NTM: variants seen among roughly 807,000 people sequenced by gnomAD.
NTM encodes the protein IgLON family member 2.
A neutral mutation model predicts 42.1 loss-of-function variants in NTM; 13 were observed. That is an observed-to-expected ratio of 0.31 (90% confidence interval 0.20 to 0.49). The LOEUF is 0.49. Ranked by LOEUF, NTM falls within the 20% of genes least tolerant of loss-of-function variation. The pLI, the probability that NTM is intolerant of heterozygous loss-of-function variation, is 0.99. For synonymous variants in NTM, 187 were observed against 179.2 expected (o/e 1.04, Z -0.35); for missense variants, 373 against 452.8 (o/e 0.82, Z 1.60).
chr11:131,762,686 G>C lies in NTM; in HGVS notation c.83-148878G>C, dbSNP rs375952914. On this transcript the variant is annotated intron_variant, in intron 1 of 8. Coordinates refer to ENST00000683400, the MANE Select transcript of NTM (RefSeq NM_001352005.2). ...CCTGTCAAGTTGAGCCAAGTAACAA[G>C]ACAGGAGTCAATTTGTTCTCCCCAA... Among the ~76,000 whole-genome samples, 12 of 152,312 alleles carry C rather than the reference G, an allele frequency of 7.9e-5. No individual in the cohort carries two copies. In the East Asian group the frequency reaches 2.1e-3, roughly 27 times the overall value.
intron 1 of NTM, among the ~76,000 whole-genome samples, chr11:131,720,207 CT>C (rs1265413075): frequency 2.0e-5 from 3 of 152,166 alleles, no homozygotes; most frequent in Non-Finnish European, 4.4e-5. Flanking sequence ...ACATAAGGTA[CT>C]GCATTTAACT....
chr11:131,711,444 C>T (rs1022608100), intron 1 of NTM, among the ~76,000 whole-genome samples: 2 of 152,172 alleles, frequency 1.3e-5, no homozygotes, highest in Non-Finnish European at 2.9e-5. Context: ...CAATCTCACA[C>T]CAGTTAGAAT....
Position 131,753,296 on chromosome 11 carries a change from C to T in NTM, c.83-158268C>T, listed in dbSNP as rs537038287. Among the ~76,000 whole-genome samples the T allele has an allele frequency of 3.3e-4, 50 of 152,066 alleles. No homozygotes were observed. The East Asian group carries it at 9.3e-3, about 28-fold the overall frequency. On this transcript the variant is annotated intron_variant, in intron 1 of 8. Coordinates refer to ENST00000683400, the MANE Select transcript of NTM (RefSeq NM_001352005.2). Reference sequence around the variant, plus strand: ...GAACACTTTTACACTGTTGGTGGGACTGTAAACTAGTTCAACCATTGTGGA... The same window carrying T: ...GAACACTTTTACACTGTTGGTGGGATTGTAAACTAGTTCAACCATTGTGGA...
intron 1 of NTM, among the ~76,000 whole-genome samples, chr11:131,857,368 C>T (rs1313536398): frequency 6.6e-6 from 1 of 152,148 alleles, no homozygotes; most frequent in Non-Finnish European, 1.5e-5. Context: ...ATGTCTTGGC[C>T]TGCTGCAGCG....
intron 1 of NTM, among the ~76,000 whole-genome samples, chr11:131,846,921 T>C (rs2044981883): frequency 6.6e-6 from 1 of 152,074 alleles, no homozygotes; most frequent in African/African-American, 2.4e-5. Context: ...GGCATGGGAA[T>C]AGAGCTGGAG....
chr11:132,193,967 A>T (rs892069091), intron 3 of NTM, among the ~76,000 whole-genome samples: 1 of 152,174 alleles, frequency 6.6e-6, no homozygotes, highest in Non-Finnish European at 1.5e-5. Context: ...AATTTAATCC[A>T]TAATAAAAAG....
In NTM at chr11:131,478,933, T is replaced by TA. The variant is rs1953248968; in HGVS notation, c.82+108049dup. On this transcript the variant is annotated intron_variant, in intron 1 of 8. Transcript: ENST00000683400. ...CTATGCCTGTGTTGGGTGTTGGGAA[T>TA]AAAATGTGGGTTCCACGCAGCTCCA... 5.3e-5 allele frequency among the ~76,000 whole-genome samples: 8 copies of TA among 152,314 alleles called. No individual in the cohort carries two copies. The South Asian group carries it at 1.7e-3, about 32-fold the overall frequency.
rs566579533 is a variant in NTM, at chr11:131,959,956, C to T, written c.167+48308C>T. 2.6e-5 allele frequency among the ~76,000 whole-genome samples: 4 copies of T among 152,296 alleles called. No homozygotes were observed. In the South Asian group the frequency reaches 6.2e-4, roughly 24 times the overall value. On this transcript the variant is annotated intron_variant, in intron 2 of 8. Coordinates refer to ENST00000683400, the MANE Select transcript of NTM (RefSeq NM_001352005.2). ...GTCTGAGGCATGAATGCAGGTACAA[C>T]AGCATGTACTAGAGATTGCACAGAC...
chr11:131,814,361 C>G (rs1296678502), intron 1 of NTM, among the ~76,000 whole-genome samples: 1 of 152,172 alleles, frequency 6.6e-6, no homozygotes, highest in Admixed American at 6.5e-5. Context: ...TGGCACCACT[C>G]CACCAGCTCC....
At chr11:131,970,569 T>C (rs553403661) in intron 2 of NTM, among the ~76,000 whole-genome samples, 165 of 152,370 alleles carry the variant, frequency 1.1e-3, no homozygotes, top group African/African-American at 3.9e-3. Flanking sequence ...ACTGTGGTCC[T>C]AGCCTCTGGG....
chr11:131,834,250 A>G (rs1315385078), intron 1 of NTM, among the ~76,000 whole-genome samples: 1 of 152,182 alleles, frequency 6.6e-6, no homozygotes, highest in Non-Finnish European at 1.5e-5. Flanking sequence ...AGTAGTAATC[A>G]GGCTTAGGGC....
intron 2 of NTM, among the ~76,000 whole-genome samples, chr11:131,998,624 A>G (rs542883255): frequency 3.3e-5 from 5 of 152,134 alleles, no homozygotes; most frequent in East Asian, 3.9e-4. Flanking sequence ...GAGAGACACA[A>G]TCTCATACTC....
At chr11:131,485,401 A>T (rs1047389832) in intron 1 of NTM, among the ~76,000 whole-genome samples, 1 of 152,102 alleles carries the variant, frequency 6.6e-6, no homozygotes, top group South Asian at 2.1e-4. Flanking sequence ...TTTTGTATAG[A>T]TTATTTTGCA....
intron 1 of NTM, among the ~76,000 whole-genome samples, chr11:131,736,978 C>G (rs1486995630): frequency 6.6e-6 from 1 of 152,232 alleles, no homozygotes; most frequent in Non-Finnish European, 1.5e-5. Flanking sequence ...TTGCAAGAGT[C>G]TCATACAGTG....
intron 2 of NTM, among the ~76,000 whole-genome samples, chr11:132,128,916 C>T (rs192967334): frequency 1.2e-3 from 140 of 119,330 alleles, no homozygotes; most frequent in African/African-American, 4.4e-3. Context: ...CCAGCCTGGG[C>T]GATAGAGCGA....
chr11:132,305,059 A>T (rs1410430329), intron 4 of NTM, among the ~76,000 whole-genome samples: 2 of 152,180 alleles, frequency 1.3e-5, no homozygotes, highest in African/African-American at 2.4e-5. Context: ...TGTGGCACCC[A>T]TGTCCCCACA....
chr11:131,373,527 GA>G (rs1479916045), intron 1 of NTM, among the ~76,000 whole-genome samples: 2 of 151,904 alleles, frequency 1.3e-5, no homozygotes, highest in Non-Finnish European at 2.9e-5. Flanking sequence ...ACGCTGACAG[GA>G]GGGGGGATTA....
intron 1 of NTM, among the ~76,000 whole-genome samples, chr11:131,514,632 T>G (rs910627844): frequency 6.6e-6 from 1 of 152,120 alleles, no homozygotes; most frequent in African/African-American, 2.4e-5. Context: ...CAGGCTGGAG[T>G]GCAGTGACAC....
chr11:132,265,288 C>T (rs932324715), intron 4 of NTM, among the ~76,000 whole-genome samples: 7 of 152,176 alleles, frequency 4.6e-5, no homozygotes, highest in African/African-American at 1.7e-4. Context: ...AAAACTGGAA[C>T]AGCTTCTGGC....
Sources: gnomAD v4.1 joint callset for allele counts (sites outside exome capture counted in the v4.1 genomes callset) on GRCh38, gnomAD v4.1.1 for gene constraint, MANE v1.5 for transcripts, NCBI Gene and HGNC (gene_info 2026-07-23, HGNC 2026-07-21) for gene names.